The following GRM7 variants were observed in gnomAD, a reference collection of about 807,000 sequenced individuals.
GRM7 encodes metabotropic glutamate receptor 7.
Under a neutral mutation model 84.5 loss-of-function variants are expected in GRM7, and 35 were observed. That is an observed-to-expected ratio of 0.41 (90% confidence interval 0.32 to 0.55). GRM7 has a LOEUF of 0.55. Ranked by LOEUF, GRM7 falls within the 20% of genes least tolerant of loss-of-function variation. The pLI is 0.19. For synonymous variants in GRM7, 487 were observed against 455.1 expected, an observed-to-expected ratio of 1.07 and a Z score of -0.89; for missense variants, 1,003 against 1,194.6, an observed-to-expected ratio of 0.84 and a Z score of 2.36.
chr3:7,717,894 G>A (rs1437847306), intron 9 of GRM7, among the ~76,000 whole-genome samples: 2 of 152,304 alleles, frequency 1.3e-5, no homozygotes, highest in Non-Finnish European at 2.9e-5. Context: ...TCAGAGGTAT[G>A]GTAGTACATT....
At chr3:7,559,287 G>A (rs1377520652) in intron 7 of GRM7, 2 of 152,332 alleles carry the variant, frequency 1.3e-5, no homozygotes, top group Admixed American at 6.6e-5. Flanking sequence ...CTGAAGGGAG[G>A]AGAAACTTTG....
chr3:6,888,324 G>C (rs1695786822), intron 1 of GRM7, among the ~76,000 whole-genome samples: 1 of 152,118 alleles, frequency 6.6e-6, no homozygotes, highest in Non-Finnish European at 1.5e-5. Context: ...TGACCTGAAT[G>C]GTAATGCTTA....
chr3:7,599,037 G>A (rs2125068860), intron 8 of GRM7, among the ~76,000 whole-genome samples: 1 of 152,258 alleles, frequency 6.6e-6, no homozygotes, highest in South Asian at 2.1e-4. Context: ...AACTGGAAGA[G>A]ACTGTAGAAA....
At chr3:7,052,021 T>C (rs904898068) in intron 1 of GRM7, among the ~76,000 whole-genome samples, 5 of 151,726 alleles carry the variant, frequency 3.3e-5, no homozygotes, top group African/African-American at 1.2e-4. Flanking sequence ...GGAGTCATAA[T>C]GTAATAAAAT....
At chr3:7,372,074 T>G (rs1694161931) in intron 4 of GRM7, among the ~76,000 whole-genome samples, 1 of 152,076 alleles carries the variant, frequency 6.6e-6, no homozygotes, top group Admixed American at 6.6e-5. Context: ...TACCTACAGA[T>G]GAGGGCCTCA....
chr3:7,164,472 A>G (rs1313071515), intron 2 of GRM7, among the ~76,000 whole-genome samples: 1 of 152,226 alleles, frequency 6.6e-6, no homozygotes, highest in Non-Finnish European at 1.5e-5. Flanking sequence ...TCAAAGTTTC[A>G]CTTCTTCAGA....
chr3:7,011,078 C>T (rs1403849432), intron 1 of GRM7, among the ~76,000 whole-genome samples: 10 of 152,146 alleles, frequency 6.6e-5, no homozygotes, highest in Non-Finnish European at 1.5e-4. Context: ...GCTAACTCTA[C>T]AACATATGAA....
At chr3:7,602,318 CA>C (rs1464459297) in intron 8 of GRM7, among the ~76,000 whole-genome samples, 5 of 152,052 alleles carry the variant, frequency 3.3e-5, no homozygotes, top group Non-Finnish European at 5.9e-5. Context: ...TCAGGTTTTA[CA>C]ACCTGTGAAA....
intron 1 of GRM7, among the ~76,000 whole-genome samples, chr3:6,952,128 G>T (rs1692803380): frequency 1.3e-5 from 2 of 152,044 alleles, no homozygotes; most frequent in Admixed American, 6.5e-5. Context: ...AGGATGCAGT[G>T]ATATTACTTG....
intron 2 of GRM7, among the ~76,000 whole-genome samples, chr3:7,262,415 A>T (rs1698466822): frequency 6.6e-6 from 1 of 152,116 alleles, no homozygotes; most frequent in Non-Finnish European, 1.5e-5. Flanking sequence ...TGATTGCATT[A>T]TGAAATTCTT....
At chr3:7,372,184 T>A (rs1383250032) in intron 4 of GRM7, among the ~76,000 whole-genome samples, 1 of 152,078 alleles carries the variant, frequency 6.6e-6, no homozygotes, top group African/African-American at 2.4e-5. Context: ...AAGAAATAAC[T>A]AGGGAAGGAG....
chr3:7,024,320 A>G (rs904241233), intron 1 of GRM7, among the ~76,000 whole-genome samples: 17 of 152,190 alleles, frequency 1.1e-4, no homozygotes, highest in African/African-American at 2.2e-4. Context: ...CTGCTATGCA[A>G]TGAAGGAAAG....
intron 7 of GRM7, among the ~76,000 whole-genome samples, chr3:7,479,283 G>T (rs1292790594): frequency 6.6e-6 from 1 of 152,032 alleles, no homozygotes; most frequent in African/African-American, 2.4e-5. Context: ...CCTCAAAATG[G>T]TGGTGAGGAA....
Position 7,294,718 on chromosome 3 carries a change from G to T in GRM7, c.737-3966G>T, listed in dbSNP as rs1052714560. On this transcript the variant is annotated intron_variant, in intron 2 of 9. Coordinates refer to ENST00000357716, the MANE Select transcript of GRM7 (RefSeq NM_000844.4). ...TCACCTAGAGCAGCGTGGGCCCTAA[G>T]CTAGCAGCATCAGCATCACCTGGGA... Among the ~76,000 whole-genome samples the T allele has an allele frequency of 2.6e-5, 4 of 152,122 alleles. No homozygotes were observed. In the South Asian group the frequency reaches 8.3e-4, roughly 31 times the overall value.
chr3:6,892,028 C>T (rs1342545393), intron 1 of GRM7, among the ~76,000 whole-genome samples: 3 of 152,194 alleles, frequency 2.0e-5, no homozygotes, highest in Non-Finnish European at 4.4e-5. Flanking sequence ...GTTGCATCGG[C>T]TCCTGAGGCT....
intron 1 of GRM7, among the ~76,000 whole-genome samples, chr3:7,040,248 C>T (rs1163364343): frequency 6.6e-6 from 1 of 152,186 alleles, no homozygotes; most frequent in Non-Finnish European, 1.5e-5. Context: ...GTAACAGAAA[C>T]CTCACTGCTA....
Position 7,298,840 on chromosome 3 carries a change from T to A in GRM7, c.878+15T>A, listed in dbSNP as rs1699901796. ...GAGGATATAAAGTAAGAATAACTGG[T>A]GACAATTGTTAATATGCATGTTGCA... is the stretch of plus-strand genomic sequence containing the variant. On this transcript the variant is annotated intron_variant, in intron 3 of 9. Coordinates refer to ENST00000357716, the MANE Select transcript of GRM7 (RefSeq NM_000844.4). 3 of 1,609,744 alleles carry A rather than the reference T, an allele frequency of 1.9e-6. No homozygotes were observed. The East Asian group carries it at 6.7e-5, about 36-fold the overall frequency.
Position 7,578,759 on chromosome 3 carries a change from C to T in GRM7, c.1853C>T (p.Thr618Met). Residue 618 changes from threonine (T) to methionine (M), a missense_variant, in exon 8 of 10, where the codon ACG becomes ATG. By Grantham distance (81) the Thr-to-Met change is moderately conservative. Coordinates refer to ENST00000357716, the MANE Select transcript of GRM7 (RefSeq NM_000844.4). ...VMATFIRYND[T>M]PIVRASGREL... ...GCCACTTTCATCCGCTACAATGACA[C>T]GCCCATTGTCCGGGCATCTGGGCGG... 8.1e-6 allele frequency: 13 copies of T among 1,613,350 alleles called. No homozygotes were observed. Among genetic ancestry groups the T allele is most frequent in the Non-Finnish European group, 1.0e-5 (12 of 1,179,298 alleles).
At chr3:7,011,575 C>T (rs1695369603) in intron 1 of GRM7, among the ~76,000 whole-genome samples, 1 of 152,096 alleles carries the variant, frequency 6.6e-6, no homozygotes, top group South Asian at 2.1e-4. Context: ...GTAATTATCT[C>T]CTATTTTTCA....
Sources: gnomAD v4.1 joint callset for allele counts (sites outside exome capture counted in the v4.1 genomes callset) on GRCh38, gnomAD v4.1.1 for gene constraint, MANE v1.5 for transcripts, NCBI Gene and HGNC (gene_info 2026-07-23, HGNC 2026-07-21) for gene names.